The following RPH3AL variants were observed in gnomAD, a reference collection of about 807,000 sequenced individuals.
The protein encoded by RPH3AL is rabphilin 3A like (without C2 domains), also known as rab effector Noc2.
In RPH3AL, 38 loss-of-function variants were observed where a neutral mutation model predicts 43.1. The ratio of observed to expected loss-of-function variants is 0.88; its 90% CI spans 0.68 to 1.15. The LOEUF is 1.15. Ranked by LOEUF, RPH3AL falls within the 50% of genes most tolerant of loss-of-function variation. RPH3AL has a pLI of 0.00. For synonymous variants in RPH3AL, 189 were observed against 176.3 expected, an observed-to-expected ratio of 1.07 and a Z score of -0.57; for missense variants, 462 against 423.2, an observed-to-expected ratio of 1.09 and a Z score of -0.81.
At chr17:236,648 CCTGT>C (rs1208537216) in intron 7 of RPH3AL, among the ~76,000 whole-genome samples, 3 of 152,358 alleles carry the variant, frequency 2.0e-5, no homozygotes, top group African/African-American at 4.8e-5. Context: ...GCTCAGCCGC[CCTGT>C]CTGTCTCCTC....
intron 6 of RPH3AL, among the ~76,000 whole-genome samples, chr17:265,301 G>A (rs1438723401): frequency 6.6e-6 from 1 of 152,096 alleles, no homozygotes; most frequent in Non-Finnish European, 1.5e-5. Flanking sequence ...TCGCCATTTT[G>A]CCCAGGTTGG....
In RPH3AL at chr17:340,404, C is replaced by A. The variant is rs1396686951; in HGVS notation, c.-212-6470G>T. On this transcript the variant is annotated intron_variant, in intron 1 of 9. Coordinates refer to ENST00000331302, the MANE Select transcript of RPH3AL (RefSeq NM_006987.4). ...GGCCTCCCCACATCCACACTCACTG[C>A]CCCGGGCTCAGGCCTCCCCACATCC... Among the ~76,000 whole-genome samples, 2 of 151,016 alleles carry A rather than the reference C, an allele frequency of 1.3e-5. 1 individual carries two copies. Among genetic ancestry groups the A allele is most frequent in the East Asian group, 3.9e-4 (2 of 5,140 alleles).
At chr17:327,768 C>A (rs1598140986) in intron 2 of RPH3AL, among the ~76,000 whole-genome samples, 189 bp from the exon 3 acceptor site, 2 of 152,342 alleles carry the variant, frequency 1.3e-5, no homozygotes, top group South Asian at 4.1e-4. Flanking sequence ...CTTCAGAAGG[C>A]TCATGATTCT....
rs533387372 is a variant in RPH3AL at position 246,601 on chromosome 17, C to A, written c.613+510G>T. Among the ~76,000 whole-genome samples the A allele has an allele frequency of 6.6e-6, 1 of 151,966 alleles. No individual in the cohort carries two copies. Reference sequence around the variant, plus strand: ...GCGCCCCCATCGTTGCCAAGTGGGGCGGCCACCTGAGACACACACACCTTA... The same window carrying A: ...GCGCCCCCATCGTTGCCAAGTGGGGAGGCCACCTGAGACACACACACCTTA... On this transcript the variant is annotated intron_variant, in intron 7 of 9. Coordinates refer to ENST00000331302, the MANE Select transcript of RPH3AL (RefSeq NM_006987.4). This position sits in a 1 kb window ranked among gnomAD's most constrained non-coding sequence, Gnocchi z 4.8.
chr17:227,234 T>C (rs979701310), intron 7 of RPH3AL, among the ~76,000 whole-genome samples: 3 of 152,236 alleles, frequency 2.0e-5, no homozygotes, highest in African/African-American at 7.2e-5. Context: ...CCCACTTCTC[T>C]GGGGAGAGGC....
chr17:335,565 T>C (rs1029645248), intron 1 of RPH3AL, among the ~76,000 whole-genome samples: 1 of 152,092 alleles, frequency 6.6e-6, no homozygotes, highest in Non-Finnish European at 1.5e-5. Context: ...CAGGTATGCT[T>C]GTCATGCAGT....
At chr17:332,680 C>T (rs1044079080) in intron 2 of RPH3AL, 6 of 236,576 alleles carry the variant, frequency 2.5e-5, no homozygotes, top group Non-Finnish European at 5.2e-5. Flanking sequence ...GACTCACAGG[C>T]CGTTTGTCCC....
At chr17:349,777 C>T (rs1229038597) in intron 1 of RPH3AL, among the ~76,000 whole-genome samples, 5 of 152,198 alleles carry the variant, frequency 3.3e-5, no homozygotes, top group African/African-American at 9.7e-5. Context: ...CCAGTAAAAT[C>T]GAGTCCAGGA....
At chr17:332,916 G>A (rs931981154) in intron 2 of RPH3AL, 5 of 897,598 alleles carry the variant, frequency 5.6e-6, no homozygotes, top group Non-Finnish European at 6.1e-6. Flanking sequence ...GCAGTACAGG[G>A]ACTAGGAGGA....
rs1299394184 is a variant in RPH3AL, at chr17:246,544, C to A, written c.613+567G>T. On this transcript the variant is annotated intron_variant, in intron 7 of 9. Transcript: ENST00000331302. The surrounding 1 kb of genome is among the most constrained non-coding windows in gnomAD (Gnocchi z 4.8). ...AATAAAACCACAAACATCAAAGCATCATGAAAGCTGCGGAGAACGGTCCAC... is the reference window on the plus strand; with the variant it reads ...AATAAAACCACAAACATCAAAGCATAATGAAAGCTGCGGAGAACGGTCCAC... Among the ~76,000 whole-genome samples, 1 of 152,150 alleles carries A rather than the reference C, an allele frequency of 6.6e-6. No individual in the cohort carries two copies. The highest frequency in any genetic ancestry group is 2.4e-5 in the African/African-American group (1 of 41,424).
chr17:304,302 C>T (rs1033947303), intron 5 of RPH3AL, among the ~76,000 whole-genome samples: 1 of 151,870 alleles, frequency 6.6e-6, no homozygotes, highest in Non-Finnish European at 1.5e-5. Flanking sequence ...TTATTATTCC[C>T]GACTTCCAGG....
chr17:216,834 G>T (rs1042662992), intron 8 of RPH3AL, among the ~76,000 whole-genome samples: 2 of 152,128 alleles, frequency 1.3e-5, no homozygotes, highest in South Asian at 4.1e-4. Context: ...AGAGTATCAT[G>T]ATCACCTAGT....
chr17:276,856 C>T (rs1189970251), intron 6 of RPH3AL, among the ~76,000 whole-genome samples: 1 of 152,168 alleles, frequency 6.6e-6, no homozygotes, highest in Non-Finnish European at 1.5e-5. Flanking sequence ...GGGTAGAATC[C>T]ACAGAATTTT....
chr17:280,929 G>A (rs1222015490), intron 6 of RPH3AL, among the ~76,000 whole-genome samples: 1 of 152,146 alleles, frequency 6.6e-6, no homozygotes, highest in African/African-American at 2.4e-5. Flanking sequence ...GATGTGACAA[G>A]CAAGATTTAA....
chr17:342,089 C>G (rs941362973), intron 1 of RPH3AL, among the ~76,000 whole-genome samples: 1 of 152,022 alleles, frequency 6.6e-6, no homozygotes, highest in Non-Finnish European at 1.5e-5. Flanking sequence ...TACGCAAATG[C>G]CCAAAAATCA....
At position 276,040 on chromosome 17, in the gene RPH3AL, C is replaced by T. The variant is rs931843490; in HGVS notation, c.438+5728G>A. On this transcript the variant is annotated intron_variant, in intron 6 of 9. Coordinates refer to ENST00000331302, the MANE Select transcript of RPH3AL (RefSeq NM_006987.4). ...CAAGCAGCTCATTAGGAGGATGTCA[C>T]GGTTCTGTGTGGTCTCAAGAACCTC... is the stretch of plus-strand genomic sequence containing the variant. Among the ~76,000 whole-genome samples, 7 of 152,284 alleles carry T rather than the reference C, an allele frequency of 4.6e-5. 1 individual carries two copies. Among genetic ancestry groups the T allele is most frequent in the Middle Eastern group, 3.4e-3 (1 of 294 alleles).
Position 333,452 on chromosome 17 carries a change from C to G in RPH3AL, c.-37+307G>C. The G allele has an allele frequency of 2.2e-6, 1 of 459,256 alleles. No individual in the cohort carries two copies. Among genetic ancestry groups the G allele is most frequent in the Non-Finnish European group, 3.6e-6 (1 of 275,224 alleles). 28.4% of individuals were successfully genotyped at this position (459,256 alleles called of 1,614,324 possible). A position where few individuals can be genotyped will look rare whatever the true frequency, so the allele number is the denominator to read the frequency against. On this transcript the variant is annotated intron_variant, in intron 2 of 9. Coordinates refer to ENST00000331302, the MANE Select transcript of RPH3AL (RefSeq NM_006987.4). The surrounding 1 kb of genome is among the most constrained non-coding windows in gnomAD (Gnocchi z 4.5). ...AATTGGGTTCTTACTGCATACGCTG[C>G]TTGCTGGTTTCTAAATAAAATTGGG...
intron 6 of RPH3AL, 63 bp downstream of exon 6, chr17:281,705 A>C (rs2042783610): frequency 6.3e-5 from 37 of 583,202 alleles, no homozygotes; most frequent in South Asian, 1.7e-4. Context: ...CCGTCCACCC[A>C]TCCCCATCTG....
At chr17:344,261 C>A (rs570268076) in intron 1 of RPH3AL, among the ~76,000 whole-genome samples, 3 of 130,972 alleles carry the variant, frequency 2.3e-5, no homozygotes, top group African/African-American at 7.9e-5. Flanking sequence ...TCACCTCCAT[C>A]AGTCACCATC....
Sources: allele counts gnomAD v4.1 joint callset (sites outside exome capture counted in the v4.1 genomes callset), GRCh38; gene constraint gnomAD v4.1.1; non-coding constraint Gnocchi (gnomAD v3.1); transcripts MANE v1.5; gene names NCBI Gene and HGNC (gene_info 2026-07-23, HGNC 2026-07-21).